Variants in ABCA13 observed in about 807,000 individuals in gnomAD.
ABCA13 encodes ATP binding cassette subfamily A member 13.
In ABCA13, 476 loss-of-function variants were observed where a neutral mutation model predicts 478.7. That is an observed-to-expected ratio of 0.99 (90% CI 0.92 to 1.07). The LOEUF (loss-of-function observed/expected upper bound fraction) is 1.07. ABCA13 is among the 50% of genes least tolerant of loss of function. The probability of loss-of-function intolerance (pLI) is 0.00; values close to 1 mark genes in which losing one functional copy is unlikely to be tolerated. For synonymous variants in ABCA13, 2,252 were observed against 2,158.9 expected, an observed-to-expected ratio of 1.04 and a Z score of -1.20; for missense variants, 6,060 against 5,910.6, an observed-to-expected ratio of 1.03 and a Z score of -0.83.
chr7:48,221,810 C>T (rs568063855), intron 5 of ABCA13, among the ~76,000 whole-genome samples: 5 of 152,286 alleles, frequency 3.3e-5, no homozygotes, highest in South Asian at 4.1e-4. Context: ...CCAGAGATGT[C>T]GCTAAGAATC....
rs569763615 is a variant in ABCA13 at position 48,306,978 on chromosome 7, T to C, written c.9322-2969T>C. On this transcript the variant is annotated intron_variant, in intron 23 of 61. Coordinates refer to ENST00000435803, the MANE Select transcript of ABCA13 (RefSeq NM_152701.5). ...AGTAAGAAAGTCCCCCAAGGAAGAG[T>C]AAGTTCCATCTCCAGGTAGTCCGCA... is the stretch of plus-strand genomic sequence containing the variant. Among the ~76,000 whole-genome samples, 37 of 152,102 alleles carry C rather than the reference T, an allele frequency of 2.4e-4. 1 individual carries two copies. In the South Asian group the frequency reaches 7.3e-3, roughly 30 times the overall value.
chr7:48,391,817 G>A (rs1340213717), intron 37 of ABCA13, 104 bp from the exon 38 acceptor site: 2 of 1,080,094 alleles, frequency 1.9e-6, no homozygotes, highest in South Asian at 2.9e-5. Flanking sequence ...CAGAAGGTGA[G>A]TGCTCTTGGC....
At position 48,511,209 on chromosome 7, in the gene ABCA13, G is replaced by A. The variant is rs1282008667; in HGVS notation, c.13640+10G>A. The A allele has an allele frequency of 1.3e-6, 2 of 1,596,754 alleles. No individual in the cohort carries two copies. The highest frequency in any genetic ancestry group is 2.2e-5 in the South Asian group (2 of 89,168). On this transcript the variant is annotated intron_variant, in intron 51 of 61. Coordinates refer to ENST00000435803, the MANE Select transcript of ABCA13 (RefSeq NM_152701.5). Reference sequence around the variant, plus strand: ...TGCTGTCACTTTTCGGGTATGTGATGAGAAACGCTGCTGCAGAATTACGGT... The same window carrying A: ...TGCTGTCACTTTTCGGGTATGTGATAAGAAACGCTGCTGCAGAATTACGGT...
intron 55 of ABCA13, among the ~76,000 whole-genome samples, chr7:48,565,865 C>G (rs1787005622): frequency 6.6e-6 from 1 of 152,100 alleles, no homozygotes; most frequent in Non-Finnish European, 1.5e-5. Flanking sequence ...TAAGAGCTAA[C>G]AAGACCAACA....
Position 48,615,028 on chromosome 7 carries a change from A to G in ABCA13, c.14745-257A>G, listed in dbSNP as rs1373786870. On this transcript the variant is annotated intron_variant, in intron 58 of 61. Transcript: ENST00000435803. Reference sequence around the variant, plus strand: ...TGTGCACATGTACCCTAAAACTTAAAGTATAATAATAATAAAATAAAAAAA... The same window carrying G: ...TGTGCACATGTACCCTAAAACTTAAGGTATAATAATAATAAAATAAAAAAA... Among the ~76,000 whole-genome samples, 4 of 150,812 alleles carry G rather than the reference A, an allele frequency of 2.7e-5. No homozygotes were observed. In the Admixed American group the frequency reaches 2.7e-4, roughly 10 times the overall value.
Position 48,295,872 on chromosome 7 carries a change from T to A in ABCA13, c.9119+9T>A. 6.3e-7 allele frequency: 1 copy of A among 1,591,186 alleles called. No homozygotes were observed. The highest frequency in any genetic ancestry group is 8.6e-7 in the Non-Finnish European group (1 of 1,167,860). ...CAGCAGCACTTGTACATGTATGCTC[T>A]GATATTCTTTCATGCCCTCCCCAGT... On this transcript the variant is annotated intron_variant, in intron 21 of 61. Coordinates refer to ENST00000435803, the MANE Select transcript of ABCA13 (RefSeq NM_152701.5).
chr7:48,375,750 G>A (rs961641085), intron 34 of ABCA13, among the ~76,000 whole-genome samples: 1 of 152,072 alleles, frequency 6.6e-6, no homozygotes, highest in African/African-American at 2.4e-5. Flanking sequence ...GTATTAAAAT[G>A]TTCTTTTACA....
chr7:48,577,764 G>A (rs544593587), intron 55 of ABCA13, among the ~76,000 whole-genome samples: 34 of 151,926 alleles, frequency 2.2e-4, no homozygotes, highest in African/African-American at 8.0e-4. Context: ...ACCAGACAAG[G>A]GCATTACAAG....
chr7:48,339,542 G>C (rs186635450), intron 29 of ABCA13, among the ~76,000 whole-genome samples: 3 of 152,148 alleles, frequency 2.0e-5, no homozygotes, highest in Admixed American at 2.0e-4. Context: ...AGTGTGAATC[G>C]TACCTGAGCC....
In ABCA13 at chr7:48,367,779, A is replaced by G; in HGVS notation, c.10689-15A>G. ...TTGCTTGTCTCCGGATGCTGACTGA[A>G]TTATCCCCTTACAGATTCCTGAACA... On this transcript the variant is annotated splice_polypyrimidine_tract_variant and intron_variant, in intron 31 of 61. Transcript: ENST00000435803. 6.5e-7 allele frequency: 1 copy of G among 1,543,242 alleles called. No individual in the cohort carries two copies. Among genetic ancestry groups the G allele is most frequent in the African/African-American group, 1.4e-5 (1 of 73,174 alleles).
chr7:48,411,023 CTTTCTTTCT>C (rs1331786409), intron 40 of ABCA13, among the ~76,000 whole-genome samples: 6 of 118,136 alleles, frequency 5.1e-5, no homozygotes, highest in Non-Finnish European at 1.1e-4. Context: ...TTCTTTCTTT[CTTTCTTTCT>C]TTCTTTCTTT....
chr7:48,594,625 C>A, intron 57 of ABCA13, 85 bp from the exon 58 acceptor site: 1 of 1,289,178 alleles, frequency 7.8e-7, no homozygotes, highest in Non-Finnish European at 1.1e-6. Flanking sequence ...TTTTCTTTCA[C>A]CTGGGGTCTG....
chr7:48,520,471 C>A (rs950072613), intron 53 of ABCA13, among the ~76,000 whole-genome samples, 177 bp downstream of exon 53: 2 of 152,110 alleles, frequency 1.3e-5, no homozygotes, highest in African/African-American at 4.8e-5. Flanking sequence ...TCACCCACAC[C>A]AGGAAGGAAA....
At chr7:48,361,547 C>T (rs1279134311) in intron 31 of ABCA13, among the ~76,000 whole-genome samples, 1 of 151,420 alleles carries the variant, frequency 6.6e-6, no homozygotes, top group Non-Finnish European at 1.5e-5. Flanking sequence ...TTTATTACTT[C>T]CTTACTTTTC....
intron 27 of ABCA13, among the ~76,000 whole-genome samples, chr7:48,330,518 T>TCCAC (rs1423115920): frequency 2.7e-5 from 4 of 150,454 alleles, no homozygotes; most frequent in Admixed American, 1.3e-4. Flanking sequence ...CATCCATCCA[T>TCCAC]CCATATATCC....
chr7:48,557,687 T>C (rs1283542611), intron 55 of ABCA13, among the ~76,000 whole-genome samples: 1 of 152,010 alleles, frequency 6.6e-6, no homozygotes, highest in Non-Finnish European at 1.5e-5. Context: ...CTTCTTTTGG[T>C]TAAATCTGCT....
intron 38 of ABCA13, among the ~76,000 whole-genome samples, chr7:48,392,540 T>G (rs767435377): frequency 6.6e-6 from 1 of 152,154 alleles, no homozygotes; most frequent in South Asian, 2.1e-4. Flanking sequence ...TAGCTCTTCC[T>G]CAACTCCTTC....
intron 57 of ABCA13, among the ~76,000 whole-genome samples, chr7:48,590,719 C>T (rs1789642923): frequency 6.6e-6 from 1 of 152,136 alleles, no homozygotes; most frequent in Admixed American, 6.5e-5. Context: ...TTTTCATTTG[C>T]ATTTCCCTGA....
At position 48,410,683 on chromosome 7, in the gene ABCA13, G is replaced by A. The variant is rs777691720; in HGVS notation, c.12228+6G>A. ...GCCTGACACTCACGAGGCAGGTAAG[G>A]AGTGCAACCATTCTATCTCACTGAA... On this transcript the variant is annotated splice_donor_region_variant and intron_variant, in intron 40 of 61. Coordinates refer to ENST00000435803, the MANE Select transcript of ABCA13 (RefSeq NM_152701.5). 14 of 1,609,550 alleles carry A rather than the reference G, an allele frequency of 8.7e-6. No homozygotes were observed. In the African/African-American group the frequency reaches 1.5e-4, roughly 17 times the overall value.
Sources: gnomAD v4.1 joint callset for allele counts (sites outside exome capture counted in the v4.1 genomes callset) on GRCh38, gnomAD v4.1.1 for gene constraint, MANE v1.5 for transcripts, NCBI Gene and HGNC (gene_info 2026-07-23, HGNC 2026-07-21) for gene names.